The following COL21A1 variants were observed in gnomAD, a reference collection of about 807,000 sequenced individuals.
COL21A1 encodes collagen alpha-1(XXI) chain.
A neutral mutation model predicts 137.9 loss-of-function variants in COL21A1; 149 were observed. That is an observed-to-expected ratio of 1.08 (90% CI 0.95 to 1.24). COL21A1 has a LOEUF of 1.24. Ranked by LOEUF, COL21A1 falls within the 50% of genes most tolerant of loss-of-function variation. The pLI is 0.00. For synonymous variants in COL21A1, 456 were observed against 391.5 expected (o/e 1.16, Z -1.95); for missense variants, 1,167 against 1,158.4 (o/e 1.01, Z -0.11).
intron 1 of COL21A1, among the ~76,000 whole-genome samples, chr6:56,311,595 G>T (rs759957637): frequency 1.3e-5 from 2 of 152,138 alleles, no homozygotes; most frequent in Non-Finnish European, 2.9e-5. Context: ...GCTACTTAAG[G>T]TGCTTATAGT....
chr6:56,358,597 A>G (rs1334550262), intron 1 of COL21A1, among the ~76,000 whole-genome samples: 2 of 152,192 alleles, frequency 1.3e-5, no homozygotes, highest in East Asian at 3.8e-4. Flanking sequence ...GGTATACACA[A>G]TCCATAATTC....
chr6:56,363,596 T>C (rs141277499), intron 1 of COL21A1, among the ~76,000 whole-genome samples: 2 of 152,184 alleles, frequency 1.3e-5, no homozygotes, highest in Admixed American at 1.3e-4. Context: ...CAGAGATAAG[T>C]GAAGTTCCTA....
At chr6:56,087,845 T>G (rs541969840) in intron 17 of COL21A1, among the ~76,000 whole-genome samples, 76 of 152,168 alleles carry the variant, frequency 5.0e-4, no homozygotes, top group Non-Finnish European at 8.8e-4. Flanking sequence ...CAGGAAGATA[T>G]CCATTTCTCC....
chr6:56,120,617 C>T (rs992476343), intron 16 of COL21A1, among the ~76,000 whole-genome samples: 1 of 151,710 alleles, frequency 6.6e-6, no homozygotes, highest in Non-Finnish European at 1.5e-5. Flanking sequence ...GCCAACATGC[C>T]GAAATGTCTC....
chr6:56,123,887 A>G (rs1772771609), intron 16 of COL21A1, among the ~76,000 whole-genome samples, 175 bp downstream of exon 16: 1 of 152,170 alleles, frequency 6.6e-6, no homozygotes, highest in Non-Finnish European at 1.5e-5. Flanking sequence ...GTCCACAATA[A>G]AGTCAAAAGA....
chr6:56,067,093 A>G (rs995406997), intron 23 of COL21A1, among the ~76,000 whole-genome samples: 1 of 151,310 alleles, frequency 6.6e-6, no homozygotes, highest in African/African-American at 2.4e-5. Context: ...TTTTGTTTCT[A>G]AGTTTTCTGC....
At chr6:56,339,247 G>T (rs1246164426) in intron 1 of COL21A1, among the ~76,000 whole-genome samples, 5 of 152,136 alleles carry the variant, frequency 3.3e-5, no homozygotes, top group Admixed American at 6.5e-5. Flanking sequence ...TGGTCAGAGG[G>T]ACTTGTTTTT....
At chr6:56,213,973 A>G (rs987487655) in intron 1 of COL21A1, among the ~76,000 whole-genome samples, 2 of 152,114 alleles carry the variant, frequency 1.3e-5, no homozygotes, top group Admixed American at 1.3e-4. Flanking sequence ...AAACAAAAAT[A>G]ACAAAAACAC....
chr6:56,190,365 CAT>C (rs1356743133), intron 1 of COL21A1, among the ~76,000 whole-genome samples: 2 of 152,170 alleles, frequency 1.3e-5, no homozygotes, highest in East Asian at 3.9e-4. Flanking sequence ...TTCCTGGACA[CAT>C]ACACCCTCCC....
intron 1 of COL21A1, among the ~76,000 whole-genome samples, chr6:56,314,958 T>A (rs1027274498): frequency 1.1e-4 from 17 of 152,186 alleles, no homozygotes; most frequent in African/African-American, 3.9e-4. Flanking sequence ...CTGGAACCTC[T>A]GAGCACAAGC....
Position 56,170,832 on chromosome 6 carries a change from A to T in COL21A1, c.843T>A (p.Tyr281Ter). The T allele has an allele frequency of 6.2e-7, 1 of 1,611,222 alleles. No homozygotes were observed. The highest frequency in any genetic ancestry group is 1.3e-5 in the African/African-American group (1 of 74,996). Residue 281 changes from tyrosine to a stop codon, truncating the protein, a stop_gained, in exon 5 of 30, where the codon TAT becomes TAA. Transcript: ENST00000244728. LOFTEE classifies it high-confidence loss of function. Reference protein sequence around the residue: ...NVFPEGLPPSYVFVSTQRFKV... With the variant: ...NVFPEGLPPS Reference sequence around the variant, plus strand: ...TAAATCTTTGAGTAGACACAAATACATATGATGGAGGAAGACCTTCTGGGA... The same window carrying T: ...TAAATCTTTGAGTAGACACAAATACTTATGATGGAGGAAGACCTTCTGGGA...
At chr6:56,155,468 C>T (rs1466617116) in intron 10 of COL21A1, among the ~76,000 whole-genome samples, 1 of 152,060 alleles carries the variant, frequency 6.6e-6, no homozygotes, top group African/African-American at 2.4e-5. Flanking sequence ...TCTTTCATTC[C>T]TCGAACAATT....
chr6:56,100,120 A>G (rs1399180303), intron 17 of COL21A1, among the ~76,000 whole-genome samples: 4 of 152,196 alleles, frequency 2.6e-5, no homozygotes, highest in African/African-American at 9.6e-5. Context: ...CTAACACGCA[A>G]CAGAGACCCT....
intron 1 of COL21A1, among the ~76,000 whole-genome samples, chr6:56,315,242 G>A (rs930543522): frequency 2.0e-5 from 3 of 152,174 alleles, no homozygotes; most frequent in Non-Finnish European, 4.4e-5. Flanking sequence ...TTCTCCACCT[G>A]TGAGAGCTTC....
chr6:56,342,935 A>G (rs1026554815), intron 1 of COL21A1, among the ~76,000 whole-genome samples: 1 of 152,206 alleles, frequency 6.6e-6, no homozygotes, highest in Non-Finnish European at 1.5e-5. Flanking sequence ...CTCAGTAGGT[A>G]AGAGACTCTC....
intron 21 of COL21A1, among the ~76,000 whole-genome samples, chr6:56,070,292 T>A (rs1766629226): frequency 6.6e-6 from 1 of 151,570 alleles, no homozygotes; most frequent in Admixed American, 6.6e-5. Flanking sequence ...TTTTGAAGGT[T>A]GGAAGTGTAT....
chr6:56,166,905 CA>C lies in COL21A1; in HGVS notation c.1278del (p.Phe426LeufsTer12), dbSNP rs1305739860. On this transcript the variant is annotated frameshift_variant and splice_region_variant, in exon 7 of 30. Coordinates refer to ENST00000244728, the MANE Select transcript of COL21A1 (RefSeq NM_030820.4). LOFTEE classifies it high-confidence loss of function. ...GGAAAAAAACAATCCCTCCTACTTA[CA>C]AATCCAGGAATCTCACATGCTGTCT... ...NRETACEIPG[F>X]NGECLNGPSD... 65 of 1,611,058 alleles carry C rather than the reference CA, an allele frequency of 4.0e-5. 1 individual carries two copies. The highest frequency in any genetic ancestry group is 5.5e-5 in the Non-Finnish European group (65 of 1,178,372).
intron 14 of COL21A1, 107 bp downstream of exon 14, chr6:56,125,460 A>T: frequency 1.4e-6 from 1 of 701,350 alleles, no homozygotes; most frequent in Non-Finnish European, 2.3e-6. Context: ...AAGAAGGGTG[A>T]ACAGAGCTAA....
intron 1 of COL21A1, among the ~76,000 whole-genome samples, chr6:56,203,797 T>C (rs1405988122): frequency 1.3e-5 from 2 of 152,142 alleles, no homozygotes; most frequent in Non-Finnish European, 2.9e-5. Context: ...GGTTGGACAG[T>C]GGGTGCAGCC....
Sources: allele counts gnomAD v4.1 joint callset (sites outside exome capture counted in the v4.1 genomes callset), GRCh38; gene constraint gnomAD v4.1.1; transcripts MANE v1.5; gene names NCBI Gene and HGNC (gene_info 2026-07-23, HGNC 2026-07-21).